The following TMEM232 variants were observed in gnomAD, a reference collection of about 807,000 sequenced individuals.
TMEM232 encodes the protein transmembrane protein 232.
A neutral mutation model predicts 78.8 loss-of-function variants in TMEM232; 80 were observed. The ratio of observed to expected loss-of-function variants is 1.01; its 90% CI spans 0.85 to 1.22. The LOEUF (loss-of-function observed/expected upper bound fraction) is 1.22. TMEM232 is among the 50% of genes most tolerant of loss of function. TMEM232 has a pLI of 0.00. For synonymous variants in TMEM232, 297 were observed against 254.3 expected (o/e 1.17, Z -1.60); for missense variants, 881 against 742.2 (o/e 1.19, Z -2.17).
At chr5:110,496,921 G>T (rs1196332540) in intron 12 of TMEM232, among the ~76,000 whole-genome samples, 1 of 151,940 alleles carries the variant, frequency 6.6e-6, no homozygotes, top group African/African-American at 2.4e-5. Context: ...GAATGAAAAA[G>T]TACTTTTTCT....
intron 12 of TMEM232, among the ~76,000 whole-genome samples, chr5:110,489,111 T>A (rs1327254930): frequency 6.6e-6 from 1 of 151,914 alleles, no homozygotes; most frequent in African/African-American, 2.4e-5. Context: ...GCTTTATGAG[T>A]AAATTCTACC....
intron 2 of TMEM232, among the ~76,000 whole-genome samples, chr5:110,403,863 G>A (rs368008883): frequency 1.1e-4 from 16 of 151,986 alleles, no homozygotes; most frequent in African/African-American, 3.6e-4. Flanking sequence ...GAGTGAAGGT[G>A]TGGAAATGAA....
intron 1 of TMEM232, among the ~76,000 whole-genome samples, chr5:110,695,858 A>G (rs1327032312): frequency 1.3e-5 from 2 of 152,216 alleles, no homozygotes; most frequent in Non-Finnish European, 2.9e-5. Flanking sequence ...TTCACAGCCA[A>G]ATTCTACCAG....
intron 3 of TMEM232, among the ~76,000 whole-genome samples, chr5:110,391,009 T>C (rs775676124): frequency 5.3e-5 from 8 of 152,238 alleles, no homozygotes; most frequent in Non-Finnish European, 1.2e-4. Flanking sequence ...GTGGGGTTTC[T>C]TCAAGACACT....
chr5:110,689,370 C>G (rs1215297481), intron 1 of TMEM232, among the ~76,000 whole-genome samples: 1 of 151,902 alleles, frequency 6.6e-6, no homozygotes, highest in Non-Finnish European at 1.5e-5. Context: ...TAAATTTTAA[C>G]TTTATAGTAC....
intron 5 of TMEM232, among the ~76,000 whole-genome samples, chr5:110,634,230 T>C (rs1351490646): frequency 6.6e-6 from 1 of 152,030 alleles, no homozygotes; most frequent in Non-Finnish European, 1.5e-5. Context: ...AAATATAGAC[T>C]CCAATACATT....
intron 12 of TMEM232, among the ~76,000 whole-genome samples, chr5:110,440,566 T>C (rs1758917642): frequency 6.6e-6 from 1 of 152,158 alleles, no homozygotes; most frequent in South Asian, 2.1e-4. Flanking sequence ...GGCAGACATA[T>C]ATTCAAGTAT....
intron 11 of TMEM232, among the ~76,000 whole-genome samples, chr5:110,537,736 GCCAGT>G (rs750978068): frequency 2.0e-5 from 3 of 152,220 alleles, no homozygotes; most frequent in Non-Finnish European, 4.4e-5. Flanking sequence ...GAGCTGAGGG[GCCAGT>G]CCTAGTGCAG....
intron 11 of TMEM232, among the ~76,000 whole-genome samples, chr5:110,555,105 G>A (rs1242689648): frequency 6.6e-6 from 1 of 151,988 alleles, no homozygotes; most frequent in Admixed American, 6.6e-5. Flanking sequence ...TGTAATGTTA[G>A]CTTGTTAATT....
At chr5:110,625,457 G>A in intron 6 of TMEM232, 24 bp from the exon 7 acceptor site, 2 of 1,483,866 alleles carry the variant, frequency 1.3e-6, no homozygotes, top group South Asian at 1.4e-5. Context: ...AATCATCTGT[G>A]AGAAATAATT....
chr5:110,603,322 G>A (rs1159443742), intron 10 of TMEM232, among the ~76,000 whole-genome samples: 1 of 151,978 alleles, frequency 6.6e-6, no homozygotes. Flanking sequence ...AAAAATATCA[G>A]ACTGTTGAGG....
At chr5:110,470,561 G>A (rs950201428) in intron 12 of TMEM232, among the ~76,000 whole-genome samples, 6 of 152,068 alleles carry the variant, frequency 3.9e-5, no homozygotes, top group South Asian at 4.2e-4. Flanking sequence ...ATAAGAGGAC[G>A]ATATAAACTC....
chr5:110,502,773 C>T (rs1766414879), intron 12 of TMEM232, among the ~76,000 whole-genome samples: 1 of 152,136 alleles, frequency 6.6e-6, no homozygotes, highest in Non-Finnish European at 1.5e-5. Flanking sequence ...GCATTGTACT[C>T]ACTGTTCCCT....
intron 12 of TMEM232, among the ~76,000 whole-genome samples, chr5:110,447,364 T>A (rs189899820): frequency 2.1e-4 from 32 of 152,116 alleles, no homozygotes; most frequent in Admixed American, 6.6e-4. Flanking sequence ...TTAGGCACTG[T>A]GGTTATCACT....
intron 11 of TMEM232, among the ~76,000 whole-genome samples, chr5:110,549,943 T>TA (rs1412678007): frequency 6.6e-6 from 1 of 151,982 alleles, no homozygotes; most frequent in Non-Finnish European, 1.5e-5. Flanking sequence ...TCCAGAGTAT[T>TA]AAAAAAATAT....
intron 12 of TMEM232, among the ~76,000 whole-genome samples, chr5:110,471,850 G>GAAGT (rs1322537046): frequency 2.6e-5 from 4 of 151,916 alleles, no homozygotes; most frequent in African/African-American, 9.7e-5. Context: ...GCCAGACTAA[G>GAAGT]AAGTCAAAAA....
At chr5:110,716,724 T>G (rs1019213228) in intron 1 of TMEM232, among the ~76,000 whole-genome samples, 3 of 152,156 alleles carry the variant, frequency 2.0e-5, no homozygotes, top group African/African-American at 7.2e-5. Context: ...GCCAGGGTTA[T>G]GGGGATCCCT....
At chr5:110,461,718 A>G (rs569970438) in intron 12 of TMEM232, among the ~76,000 whole-genome samples, 116 of 152,348 alleles carry the variant, frequency 7.6e-4, no homozygotes, top group Admixed American at 1.6e-3. Context: ...GAATGTAACT[A>G]GAAGCCAATG....
At chr5:110,662,391 G>A (rs1429570157) in intron 2 of TMEM232, among the ~76,000 whole-genome samples, 2 of 152,046 alleles carry the variant, frequency 1.3e-5, no homozygotes, top group East Asian at 3.9e-4. Flanking sequence ...GATATACCAT[G>A]TTTATAAATT....
Sources: allele counts gnomAD v4.1 joint callset (sites outside exome capture counted in the v4.1 genomes callset), GRCh38; gene constraint gnomAD v4.1.1; transcripts MANE v1.5; gene names NCBI Gene and HGNC (gene_info 2026-07-23, HGNC 2026-07-21).